The following ABCC2 variants were observed in gnomAD, a reference collection of about 807,000 sequenced individuals.
The protein encoded by ABCC2 is ATP binding cassette subfamily C member 2, also known as ATP-binding cassette sub-family C member 2.
In ABCC2, 157 loss-of-function variants were observed where a neutral mutation model predicts 173.4. That is an observed-to-expected ratio of 0.91 (90% CI 0.80 to 1.03). The LOEUF (loss-of-function observed/expected upper bound fraction) is 1.03. Ranked by LOEUF, ABCC2 falls within the 50% of genes least tolerant of loss-of-function variation. The pLI, the probability that ABCC2 is intolerant of heterozygous loss-of-function variation, is 0.00. For synonymous variants in ABCC2, 657 were observed against 693.5 expected (o/e 0.95, Z 0.83); for missense variants, 1,822 against 1,852.3 (o/e 0.98, Z 0.30).
rs762486508 is a variant in ABCC2, at chr10:99,808,197, A to C, written c.1783A>C (p.Met595Leu). ...CAATATCCTGCGCTTTCCCCTGAGCATGCTTCCCATGATGATCTCCTCCAT... is the reference window on the plus strand; with the variant it reads ...CAATATCCTGCGCTTTCCCCTGAGCCTGCTTCCCATGATGATCTCCTCCAT... ...LFNILRFPLS[M>L]LPMMISSMLQ... is the part of the protein sequence containing the mutation. The change falls in exon 13 of 32, where the codon ATG (methionine) becomes CTG (leucine). Residue 595 changes from methionine (M) to leucine (L), a missense_variant. Physicochemically the swap from Met to Leu is conservative, Grantham distance 15. Transcript: ENST00000647814. 4 of 1,613,968 alleles carry C rather than the reference A, an allele frequency of 2.5e-6. No individual in the cohort carries two copies. The highest frequency in any genetic ancestry group is 3.4e-6 in the Non-Finnish European group (4 of 1,180,008).
intron 2 of ABCC2, among the ~76,000 whole-genome samples, chr10:99,791,720 C>A (rs1331640510): frequency 6.6e-6 from 1 of 152,204 alleles, no homozygotes. Context: ...TTCTCACTGG[C>A]TGTTGGCGGA....
intron 6 of ABCC2, 48 bp downstream of exon 6, chr10:99,794,516 C>A (rs1384889215): frequency 6.6e-7 from 1 of 1,513,376 alleles, no homozygotes; most frequent in Non-Finnish European, 9.2e-7. Flanking sequence ...CTCTCTCACT[C>A]CTCTGAAAGT....
At chr10:99,786,937 G>T (rs567386006) in intron 2 of ABCC2, among the ~76,000 whole-genome samples, 1 of 152,028 alleles carries the variant, frequency 6.6e-6, no homozygotes, top group East Asian at 1.9e-4. Context: ...GGGAGGTGGA[G>T]GTTGCAGTGA....
chr10:99,795,662 G>A (rs7914602), intron 6 of ABCC2, among the ~76,000 whole-genome samples: 40,436 of 150,590 alleles, frequency 0.27, 5,634 homozygotes, highest in East Asian at 0.37. Context: ...TCGCACCATT[G>A]CACTCCAGTC....
Position 99,851,502 on chromosome 10 carries a change from G to T in ABCC2, c.4509G>T (p.Lys1503Asn), listed in dbSNP as rs1462140907. 1.2e-6 allele frequency: 2 copies of T among 1,613,918 alleles called. No individual in the cohort carries two copies. The highest frequency in any genetic ancestry group is 3.3e-5 in the Admixed American group (2 of 59,990). ...HRLHTIMDSD[K>N]VMVLDNGKII... ...TTTATTTCTTTCTTCCTTGTTTCAG[G>T]GTAATGGTCCTAGACAACGGGAAGA... Residue 1503 changes from lysine (K) to asparagine (N), a missense_variant and splice_region_variant, in exon 32 of 32, where the codon AAG becomes AAT. Transcript: ENST00000647814.
Position 99,847,108 on chromosome 10 carries a change from G to A in ABCC2, c.4294G>A (p.Glu1432Lys). Residue 1432 changes from glutamate (E) to lysine (K), a missense_variant, in exon 30 of 32, where the codon GAG (glutamate) becomes AAG (lysine). By Grantham distance (56) the Glu-to-Lys change is moderately conservative. Coordinates refer to ENST00000647814, the MANE Select transcript of ABCC2 (RefSeq NM_000392.5). ...ACTTGGGTTATCCCACGAAGTGACA[G>A]AGGCTGGTGGCAACCTGAGGTAATG... is the stretch of plus-strand genomic sequence containing the variant. ...LQLGLSHEVT[E>K]AGGNLSIGQR... 1 of 1,614,172 alleles carries A rather than the reference G, an allele frequency of 6.2e-7. No individual in the cohort carries two copies. Among genetic ancestry groups the A allele is most frequent in the Non-Finnish European group, 8.5e-7 (1 of 1,180,034 alleles).
At chr10:99,849,791 A>G (rs1389947859) in intron 30 of ABCC2, among the ~76,000 whole-genome samples, 1 of 152,222 alleles carries the variant, frequency 6.6e-6, no homozygotes. Flanking sequence ...AGAGAATTAC[A>G]GCACTTTGGC....
intron 10 of ABCC2, 42 bp from the exon 11 acceptor site, chr10:99,805,340 A>G: frequency 6.3e-7 from 1 of 1,579,424 alleles, no homozygotes; most frequent in Non-Finnish European, 8.7e-7. Flanking sequence ...GCCCTCTCTC[A>G]TGGAAGCGTA....
intron 19 of ABCC2, among the ~76,000 whole-genome samples, chr10:99,825,313 G>T (rs1285715972): frequency 2.0e-5 from 3 of 152,190 alleles, no homozygotes; most frequent in South Asian, 4.1e-4. Flanking sequence ...CTGAGGCTGT[G>T]CCTATGCCGA....
At chr10:99,783,337 A>G (rs1190911801) in intron 1 of ABCC2, among the ~76,000 whole-genome samples, 1 of 152,242 alleles carries the variant, frequency 6.6e-6, no homozygotes, top group Non-Finnish European at 1.5e-5. Context: ...AACTTTGGGC[A>G]TCATGAGCAT....
intron 9 of ABCC2, among the ~76,000 whole-genome samples, 173 bp downstream of exon 9, chr10:99,800,736 G>A (rs1301242841): frequency 6.6e-6 from 1 of 152,174 alleles, no homozygotes; most frequent in Non-Finnish European, 1.5e-5. Context: ...TGAGAAGTGT[G>A]TTCACAGACA....
chr10:99,822,144 T>A (rs1189346934), intron 19 of ABCC2, among the ~76,000 whole-genome samples: 1 of 152,176 alleles, frequency 6.6e-6, no homozygotes, highest in Non-Finnish European at 1.5e-5. Flanking sequence ...CTGCCCGAAT[T>A]AAGGGCGGGA....
chr10:99,808,016 T>C (rs1409644850), intron 12 of ABCC2, 67 bp from the exon 13 acceptor site: 12 of 1,585,054 alleles, frequency 7.6e-6, no homozygotes, highest in South Asian at 4.4e-5. Context: ...ATGGTGTTCC[T>C]GAAACTTAGC....
intron 19 of ABCC2, among the ~76,000 whole-genome samples, chr10:99,822,163 T>C (rs2038550578): frequency 1.3e-5 from 2 of 152,164 alleles, no homozygotes; most frequent in African/African-American, 4.8e-5. Flanking sequence ...GAAAGGCACA[T>C]AGGCCCAGTA....
At chr10:99,814,218 TATATACACACATGTGTATATATGC>T (rs2038290599) in intron 16 of ABCC2, among the ~76,000 whole-genome samples, 4 of 71,916 alleles carry the variant, frequency 5.6e-5, no homozygotes, top group Admixed American at 1.3e-4. Context: ...CACATGTGTA[TATATACACACATGTGTATATATGC>T]ACACACGTAT....
At chr10:99,814,795 A>ACACACACATG (rs1554851107) in intron 16 of ABCC2, among the ~76,000 whole-genome samples, 2 of 135,584 alleles carry the variant, frequency 1.5e-5, no homozygotes, top group African/African-American at 5.8e-5. Context: ...ACACACACAC[A>ACACACACATG]TATGTGTGTG....
At chr10:99,827,917 C>T (rs185083953) in intron 19 of ABCC2, among the ~76,000 whole-genome samples, 380 of 37,922 alleles carry the variant, frequency 0.01, 5 homozygotes, top group African/African-American at 0.037. Context: ...CACGCTCGAG[C>T]GTACCTTCAC....
chr10:99,789,506 G>C (rs6584326), intron 2 of ABCC2: 88,053 of 151,860 alleles, frequency 0.58, 25,817 homozygotes, highest in East Asian at 0.77. Flanking sequence ...CCTGAGGTCA[G>C]AAGTTCAAGA....
At chr10:99,838,161 C>G in intron 25 of ABCC2, among the ~76,000 whole-genome samples, 1 of 82,434 alleles carries the variant, frequency 1.2e-5, no homozygotes, top group Admixed American at 1.0e-4. Context: ...GGCTGACCCC[C>G]CAACCTCCCT....
Sources: gnomAD v4.1 joint callset for allele counts (sites outside exome capture counted in the v4.1 genomes callset) on GRCh38, gnomAD v4.1.1 for gene constraint, MANE v1.5 for transcripts, NCBI Gene and HGNC (gene_info 2026-07-23, HGNC 2026-07-21) for gene names.